Variants in MMP20 observed in about 807,000 individuals in gnomAD.
MMP20 encodes matrix metallopeptidase 20.
Under a neutral mutation model 51.8 loss-of-function variants are expected in MMP20, and 50 were observed. The observed-to-expected ratio is 0.97, with a 90% CI of 0.77 to 1.22. The LOEUF (loss-of-function observed/expected upper bound fraction) is 1.22, where lower values mean the gene tolerates loss of function less well. Among genes scored for constraint, MMP20 ranks in the 50% most tolerant of loss-of-function variants. The pLI is 0.00. For missense variants in MMP20, 663 were observed against 601.4 expected (o/e 1.10, Z -1.07); for synonymous variants, 244 against 216.2 (o/e 1.13, Z -1.13).
At chr11:102,599,636 A>C (rs1034616460) in intron 6 of MMP20, among the ~76,000 whole-genome samples, 4 of 152,234 alleles carry the variant, frequency 2.6e-5, no homozygotes, top group African/African-American at 9.6e-5. Context: ...TGATATGCAG[A>C]ATATAAACTT....
intron 9 of MMP20, 42 bp downstream of exon 9, chr11:102,578,997 A>G (rs779419023): frequency 4.3e-6 from 6 of 1,397,540 alleles, no homozygotes; most frequent in South Asian, 1.2e-5. Context: ...AAGATTTCTT[A>G]TGATAGTTTT....
chr11:102,580,232 CTG>C (rs993311169), intron 8 of MMP20, among the ~76,000 whole-genome samples: 2 of 152,208 alleles, frequency 1.3e-5, no homozygotes, highest in African/African-American at 4.8e-5. Flanking sequence ...TTAAAAAAGA[CTG>C]TGACTGTGTG....
chr11:102,580,922 C>G (rs12789946), intron 8 of MMP20, among the ~76,000 whole-genome samples: 22,813 of 152,174 alleles, frequency 0.15, 1,840 homozygotes, highest in Middle Eastern at 0.2. Context: ...CCTTATTTAG[C>G]TGTGAACTGG....
chr11:102,597,507 T>C (rs1245902519), intron 6 of MMP20, among the ~76,000 whole-genome samples: 1 of 152,222 alleles, frequency 6.6e-6, no homozygotes, highest in Non-Finnish European at 1.5e-5. Context: ...TTAGGCAATA[T>C]CTGGTGACAA....
At position 102,577,178 on chromosome 11, in the gene MMP20, T is replaced by C. The variant is rs1417218095; in HGVS notation, c.*148A>G. 1 of 642,636 alleles carries C rather than the reference T, an allele frequency of 1.6e-6. No individual in the cohort carries two copies. Among genetic ancestry groups the C allele is most frequent in the South Asian group, 1.8e-5 (1 of 55,762 alleles). The allele number at this position is 642,636 out of a possible 1,614,324, so 39.8% of individuals were successfully genotyped here. On this transcript the variant is annotated 3_prime_UTR_variant, in exon 10 of 10. Coordinates refer to ENST00000260228, the MANE Select transcript of MMP20 (RefSeq NM_004771.4). ...TCTGATTATACAACTATGAAAAAAA[T>C]TGGAAGTATTATTATTCTCAGTGAA...
At chr11:102,595,535 C>T (rs1252038616) in intron 6 of MMP20, among the ~76,000 whole-genome samples, 2 of 152,010 alleles carry the variant, frequency 1.3e-5, no homozygotes, top group Non-Finnish European at 2.9e-5. Flanking sequence ...GTAAATGAAC[C>T]AGAAGTCTAT....
intron 6 of MMP20, among the ~76,000 whole-genome samples, chr11:102,602,532 GGGCAT>G (rs1859461729): frequency 6.6e-6 from 1 of 152,128 alleles, no homozygotes; most frequent in Non-Finnish European, 1.5e-5. Flanking sequence ...AACAGTCAAT[GGGCAT>G]ATGTTCATTC....
intron 2 of MMP20, among the ~76,000 whole-genome samples, chr11:102,615,640 G>T (rs543681761): frequency 1.3e-5 from 2 of 152,282 alleles, no homozygotes; most frequent in East Asian, 1.9e-4. Flanking sequence ...TGCCCTTCAG[G>T]CTGCCCCTCC....
intron 7 of MMP20, 64 bp downstream of exon 7, chr11:102,594,557 A>G: frequency 1.2e-6 from 2 of 1,600,294 alleles, no homozygotes; most frequent in Non-Finnish European, 1.7e-6. Flanking sequence ...GCAGGGCTAG[A>G]TATGCCAAAT....
chr11:102,582,108 T>C (rs1166358119), intron 8 of MMP20, among the ~76,000 whole-genome samples: 1 of 152,280 alleles, frequency 6.6e-6, no homozygotes, highest in East Asian at 1.9e-4. Context: ...TCTGATGTAG[T>C]TTTTCAGATA....
intron 8 of MMP20, among the ~76,000 whole-genome samples, chr11:102,587,449 GAT>G (rs1377158277): frequency 6.6e-6 from 1 of 152,148 alleles, no homozygotes; most frequent in Admixed American, 6.5e-5. Context: ...GCATTCTATA[GAT>G]ATATGTTAGG....
chr11:102,619,475 C>A (rs2135948265), intron 1 of MMP20, among the ~76,000 whole-genome samples: 1 of 152,106 alleles, frequency 6.6e-6, no homozygotes, highest in South Asian at 2.1e-4. Flanking sequence ...CTAGTCACAC[C>A]ATCCCAGTCA....
intron 7 of MMP20, 53 bp downstream of exon 7, chr11:102,594,568 G>T (rs1185520549): frequency 2.5e-6 from 4 of 1,606,758 alleles, no homozygotes; most frequent in South Asian, 2.2e-5. Flanking sequence ...TATGCCAAAT[G>T]AATGGGGCAC....
At chr11:102,602,931 T>C (rs1859467478) in intron 6 of MMP20, among the ~76,000 whole-genome samples, 1 of 152,208 alleles carries the variant, frequency 6.6e-6, no homozygotes. Context: ...AAATGTGATA[T>C]AGCCTTAATA....
intron 6 of MMP20, among the ~76,000 whole-genome samples, chr11:102,598,873 T>C (rs1859413675): frequency 6.6e-6 from 1 of 152,170 alleles, no homozygotes; most frequent in Non-Finnish European, 1.5e-5. Flanking sequence ...CTTCACCCTT[T>C]ATTTGCTGGA....
chr11:102,620,386 C>A (rs1021656895), intron 1 of MMP20, among the ~76,000 whole-genome samples: 1 of 152,194 alleles, frequency 6.6e-6, no homozygotes, highest in Non-Finnish European at 1.5e-5. Flanking sequence ...GAATTGCTTT[C>A]ATGTGATGCT....
At chr11:102,617,131 G>T in intron 1 of MMP20, 72 bp from the exon 2 acceptor site, 3 of 1,561,528 alleles carry the variant, frequency 1.9e-6, no homozygotes, top group South Asian at 1.1e-5. Context: ...TAAGGCAGGG[G>T]ACAGCATTCC....
At chr11:102,609,229 G>T in intron 4 of MMP20, 131 bp from the exon 5 acceptor site, 3 of 853,630 alleles carry the variant, frequency 3.5e-6, no homozygotes, top group East Asian at 2.7e-5. Flanking sequence ...ATTATTCAAA[G>T]GTTGGTAGGT....
chr11:102,616,883 T>G lies in MMP20; in HGVS notation c.303A>C (p.Gly101=). Reference sequence around the variant, plus strand: ...GGCGATAATTGGCCACATCAGGAACTCCACAGCGAGGCTTCTTGATCACGT... The same window carrying G: ...GGCGATAATTGGCCACATCAGGAACGCCACAGCGAGGCTTCTTGATCACGT... ...TMNVIKKPRC[G]VPDVANYRLF... Residue 101 remains glycine (G), a synonymous_variant, in exon 2 of 10, where the codon GGA becomes GGC. Coordinates refer to ENST00000260228, the MANE Select transcript of MMP20 (RefSeq NM_004771.4). The G allele has an allele frequency of 6.2e-7, 1 of 1,614,210 alleles. No individual in the cohort carries two copies. The highest frequency in any genetic ancestry group is 8.5e-7 in the Non-Finnish European group (1 of 1,180,038).
Sources: allele counts gnomAD v4.1 joint callset (sites outside exome capture counted in the v4.1 genomes callset), GRCh38; gene constraint gnomAD v4.1.1; transcripts MANE v1.5; gene names NCBI Gene and HGNC (gene_info 2026-07-23, HGNC 2026-07-21).